Variants in SLIT3 observed in about 807,000 individuals in gnomAD.
SLIT3 encodes slit homolog 3 protein.
Under a neutral mutation model 184.0 loss-of-function variants are expected in SLIT3, and 68 were observed. That is an observed-to-expected ratio of 0.37 (90% CI 0.30 to 0.45). SLIT3 has a LOEUF of 0.45. Ranked by LOEUF, SLIT3 falls within the 20% of genes least tolerant of loss-of-function variation. SLIT3 has a pLI of 1.00. For synonymous variants in SLIT3, 831 were observed against 828.6 expected (o/e 1.00, Z -0.05); for missense variants, 1,707 against 2,026.0 (o/e 0.84, Z 3.02).
intron 4 of SLIT3, among the ~76,000 whole-genome samples, chr5:168,908,658 G>C (rs1330853891): frequency 1.3e-5 from 2 of 152,142 alleles, no homozygotes; most frequent in Non-Finnish European, 2.9e-5. Context: ...AACTGCAAGG[G>C]AACAAGGCAA....
chr5:168,759,871 T>G (rs1320497108), intron 16 of SLIT3, among the ~76,000 whole-genome samples: 3 of 151,854 alleles, frequency 2.0e-5, no homozygotes, highest in African/African-American at 7.3e-5. Context: ...CCAGGAGACA[T>G]GAAGTAGGGG....
chr5:169,159,111 A>T (rs1414052526), intron 4 of SLIT3, among the ~76,000 whole-genome samples: 4 of 151,984 alleles, frequency 2.6e-5, no homozygotes, highest in Non-Finnish European at 4.4e-5. Context: ...GAGGCTGGGC[A>T]TGGTGGCTCA....
At chr5:169,128,509 A>G (rs1411331183) in intron 4 of SLIT3, among the ~76,000 whole-genome samples, 2 of 152,042 alleles carry the variant, frequency 1.3e-5, no homozygotes, top group Non-Finnish European at 2.9e-5. Flanking sequence ...GCTCACCACA[A>G]CCTGCGCCTC....
chr5:169,060,182 G>A (rs1025535714), intron 4 of SLIT3, among the ~76,000 whole-genome samples: 8 of 152,214 alleles, frequency 5.3e-5, no homozygotes, highest in African/African-American at 1.4e-4. Context: ...CTGAAGTCAG[G>A]AGCTCAAGAC....
chr5:168,778,947 AGATCTATCTCTC>A lies in SLIT3; in HGVS notation c.1152-4581_1152-4570del, dbSNP rs1324108807. Among the ~76,000 whole-genome samples, 13 of 152,336 alleles carry A rather than the reference AGATCTATCTCTC, an allele frequency of 8.5e-5. No individual in the cohort carries two copies. In the South Asian group the frequency reaches 2.1e-3, roughly 24 times the overall value. ...GTGATCTTTTGGGGCCACCTGCTCC[AGATCTATCTCTC>A]AAAGGACCCTCGGAGATCATATAAA... On this transcript the variant is annotated intron_variant, in intron 12 of 35. Transcript: ENST00000519560.
intron 3 of SLIT3, among the ~76,000 whole-genome samples, chr5:169,230,975 GTTTTA>G (rs776301127): frequency 1.6e-4 from 25 of 152,094 alleles, no homozygotes; most frequent in Middle Eastern, 3.4e-3. Context: ...TGCTACATTT[GTTTTA>G]TTTTATTTAC....
At chr5:168,679,681 C>T (rs1761522349) in intron 32 of SLIT3, among the ~76,000 whole-genome samples, 1 of 152,074 alleles carries the variant, frequency 6.6e-6, no homozygotes, top group Non-Finnish European at 1.5e-5. Context: ...CCTGGGATTT[C>T]GGGTAGGCAG....
chr5:168,833,372 T>C (rs1757938961), intron 6 of SLIT3, among the ~76,000 whole-genome samples: 1 of 152,172 alleles, frequency 6.6e-6, no homozygotes, highest in Non-Finnish European at 1.5e-5. Flanking sequence ...CTGAGTGCAA[T>C]TTACAGCTTG....
chr5:169,122,584 G>T (rs960253990), intron 4 of SLIT3, among the ~76,000 whole-genome samples: 13 of 152,128 alleles, frequency 8.5e-5, no homozygotes, highest in African/African-American at 2.7e-4. Flanking sequence ...ACAACAAAGG[G>T]ATACAGATTG....
chr5:168,759,838 C>T lies in SLIT3; in HGVS notation c.1685+1024G>A, dbSNP rs191314680. Reference sequence around the variant, plus strand: ...GGATGGACTTTACTTCCCTGGTCTTCGAGGCACACCTGAACTCTGGGGCCA... The same window carrying T: ...GGATGGACTTTACTTCCCTGGTCTTTGAGGCACACCTGAACTCTGGGGCCA... On this transcript the variant is annotated intron_variant, in intron 16 of 35. Coordinates refer to ENST00000519560, the MANE Select transcript of SLIT3 (RefSeq NM_003062.4). Among the ~76,000 whole-genome samples, 315 of 152,194 alleles carry T rather than the reference C, an allele frequency of 2.1e-3. 6 individuals are homozygous for T. The highest frequency in any genetic ancestry group is 6.8e-4 in the Non-Finnish European group (46 of 68,010).
At chr5:169,283,633 T>G (rs1166170993) in intron 1 of SLIT3, among the ~76,000 whole-genome samples, 1 of 152,136 alleles carries the variant, frequency 6.6e-6, no homozygotes, top group Non-Finnish European at 1.5e-5. Context: ...GCATGTCTAC[T>G]ACAATGGAGG....
At chr5:169,021,690 C>T (rs571628804) in intron 4 of SLIT3, among the ~76,000 whole-genome samples, 64 of 152,250 alleles carry the variant, frequency 4.2e-4, no homozygotes, top group Non-Finnish European at 8.5e-4. Context: ...TGTTGCTGCC[C>T]CTTCCAAGAC....
chr5:168,718,585 T>G (rs1291795657), intron 23 of SLIT3, among the ~76,000 whole-genome samples: 1 of 151,898 alleles, frequency 6.6e-6, no homozygotes, highest in African/African-American at 2.4e-5. Flanking sequence ...CGGAGCCAAG[T>G]AGAAAAAGCA....
rs761777211 is a variant in SLIT3 at position 168,826,919 on chromosome 5, C to T, written c.558-3588G>A. On this transcript the variant is annotated intron_variant, in intron 6 of 35. Coordinates refer to ENST00000519560, the MANE Select transcript of SLIT3 (RefSeq NM_003062.4). ...CTGGGATTACAGGTGCCCACCACCA[C>T]GTCTGGCTAATTTTTGTGTTTTTTA... Among the ~76,000 whole-genome samples, 161 of 152,178 alleles carry T rather than the reference C, an allele frequency of 1.1e-3. 1 individual carries two copies. The highest frequency in any genetic ancestry group is 8.3e-4 in the South Asian group (4 of 4,816).
Position 169,300,536 on chromosome 5 carries a change from GC to G in SLIT3, c.173del (p.Gly58AlafsTer51). ...HGLGLRAVPRGIPRNAERLDL... is the reference protein window; with the variant it reads ...HGLGLRAVPRXIPRNAERLDL... ...ACAGGCGCTCAGCGTTGCGGGGGAT[GC>G]CCCGAGGAACCGCGCGGAGGCCCAG... On this transcript the variant is annotated frameshift_variant, in exon 1 of 36. Coordinates refer to ENST00000519560, the MANE Select transcript of SLIT3 (RefSeq NM_003062.4). LOFTEE classifies it high-confidence loss of function. This position sits in a 1 kb window ranked among gnomAD's most constrained non-coding sequence, Gnocchi z 4.1. The G allele has an allele frequency of 6.6e-7, 1 of 1,508,838 alleles. No homozygotes were observed. 93.5% of individuals were successfully genotyped at this position (1,508,838 alleles called of 1,614,324 possible). A position where few individuals can be genotyped will look rare whatever the true frequency, so the allele number is the denominator to read the frequency against.
chr5:168,723,358 A>G (rs1209878400), intron 21 of SLIT3, among the ~76,000 whole-genome samples: 2 of 119,638 alleles, frequency 1.7e-5, no homozygotes, highest in Admixed American at 9.4e-5. Context: ...CCATCCACCC[A>G]CTTATCTACT....
intron 4 of SLIT3, among the ~76,000 whole-genome samples, chr5:168,993,899 A>C (rs1229066194): frequency 6.6e-6 from 1 of 152,266 alleles, no homozygotes; most frequent in African/African-American, 2.4e-5. Context: ...AAACAAAACA[A>C]AGGCAAAACA....
At chr5:169,145,963 A>T (rs1338255202) in intron 4 of SLIT3, among the ~76,000 whole-genome samples, 2 of 152,186 alleles carry the variant, frequency 1.3e-5, no homozygotes, top group Admixed American at 1.3e-4. Flanking sequence ...AGGCAGGAGA[A>T]TCACTTAAAC....
chr5:169,033,462 G>A (rs774997038), intron 4 of SLIT3, among the ~76,000 whole-genome samples: 1 of 152,148 alleles, frequency 6.6e-6, no homozygotes, highest in Non-Finnish European at 1.5e-5. Flanking sequence ...GTGCCCAGAA[G>A]AGAGATTGTT....
Sources: gnomAD v4.1 joint callset for allele counts (sites outside exome capture counted in the v4.1 genomes callset) on GRCh38, gnomAD v4.1.1 for gene constraint, Gnocchi (gnomAD v3.1) non-coding constraint, MANE v1.5 for transcripts, NCBI Gene and HGNC (gene_info 2026-07-23, HGNC 2026-07-21) for gene names.